Variants in CENPP observed in about 807,000 individuals in gnomAD.
The protein encoded by CENPP is centromere protein P.
Under a neutral mutation model 35.6 loss-of-function variants are expected in CENPP, and 24 were observed. The observed-to-expected ratio is 0.67, with a 90% CI of 0.49 to 0.95. CENPP has a LOEUF of 0.95. Among genes scored for constraint, CENPP ranks in the 40% least tolerant of loss-of-function variants. The pLI, the probability that CENPP is intolerant of heterozygous loss-of-function variation, is 0.00. For missense variants in CENPP, 332 were observed against 345.3 expected (o/e 0.96, Z 0.31); for synonymous variants, 120 against 125.5 (o/e 0.96, Z 0.29).
rs1483825246 is a variant in CENPP at position 92,612,613 on chromosome 9, A to G, written c.735A>G (p.Arg245=). The G allele has an allele frequency of 3.7e-6, 6 of 1,613,504 alleles. No homozygotes were observed. The highest frequency in any genetic ancestry group is 5.1e-6 in the Non-Finnish European group (6 of 1,179,386). ...ATCTTCTCACCAAAGTCCCACAGCG[A>G]GGTAGGGCCCTGGGTGTGGCTGCTC... is the stretch of plus-strand genomic sequence containing the variant. ...KLDLLTKVPQ[R]ALELDKNRAI... is the part of the protein sequence containing the mutation. The change falls in exon 7 of 8, where the codon CGA becomes CGG. Residue 245 remains arginine, a splice_region_variant and synonymous_variant. Transcript: ENST00000375587.
chr9:92,393,126 G>A, intron 5 of CENPP: 1 of 1,613,452 alleles, frequency 6.2e-7, no homozygotes, highest in Non-Finnish European at 8.5e-7. Flanking sequence ...TTTTAATTTT[G>A]TTGAATCGTG....
chr9:92,337,430 A>G (rs1840966116), intron 2 of CENPP, 111 bp from the exon 3 acceptor site: 1 of 598,318 alleles, frequency 1.7e-6, no homozygotes, highest in South Asian at 2.6e-5. Context: ...GCTAATGCAC[A>G]CTTTCACACA....
chr9:92,612,825 G>A (rs891722436), intron 7 of CENPP, among the ~76,000 whole-genome samples, 194 bp from the exon 8 acceptor site: 3 of 152,192 alleles, frequency 2.0e-5, no homozygotes, highest in Non-Finnish European at 2.9e-5. Context: ...CAGGCTGAAT[G>A]CACAGGGAAT....
chr9:92,497,008 A>T (rs1846385431), intron 5 of CENPP, among the ~76,000 whole-genome samples: 2 of 151,900 alleles, frequency 1.3e-5, no homozygotes, highest in Non-Finnish European at 2.9e-5. Flanking sequence ...ATCAAATACC[A>T]CTGAAGAGAA....
chr9:92,473,322 T>C (rs1435070033), intron 5 of CENPP, among the ~76,000 whole-genome samples: 1 of 152,178 alleles, frequency 6.6e-6, no homozygotes, highest in Non-Finnish European at 1.5e-5. Flanking sequence ...TGTGTCCTTA[T>C]TCACCATCTT....
chr9:92,489,040 G>A (rs905969621), intron 5 of CENPP, among the ~76,000 whole-genome samples: 1 of 152,140 alleles, frequency 6.6e-6, no homozygotes. Flanking sequence ...TGATTTAGTT[G>A]TATCACCACT....
chr9:92,497,317 C>G (rs986617745), intron 5 of CENPP, among the ~76,000 whole-genome samples: 1 of 152,050 alleles, frequency 6.6e-6, no homozygotes, highest in Non-Finnish European at 1.5e-5. Flanking sequence ...GAGTGATATA[C>G]TGATACTTTT....
intron 5 of CENPP, among the ~76,000 whole-genome samples, chr9:92,573,652 C>A (rs1564007892): frequency 6.6e-6 from 1 of 152,204 alleles, no homozygotes; most frequent in African/African-American, 2.4e-5. Context: ...TTTAAGTCTG[C>A]AGAAGCTTCT....
chr9:92,619,971 G>A lies in CENPP; in HGVS notation c.*6822G>A, dbSNP rs528698831. On this transcript the variant is annotated 3_prime_UTR_variant, in exon 8 of 8. Transcript: ENST00000375587. ...ATCACTCGACACCTGCAAGGAGAGC[G>A]CAGGGGGTGTTCAGCAAGGCATCGC... 2.3e-5 allele frequency: 5 copies of A among 215,806 alleles called. No homozygotes were observed. Among genetic ancestry groups the A allele is most frequent in the South Asian group, 1.7e-4 (2 of 11,924 alleles). The allele number at this position is 215,806 out of a possible 1,614,324, so 13.4% of individuals were successfully genotyped here.
intron 5 of CENPP, among the ~76,000 whole-genome samples, chr9:92,383,389 T>C (rs182725787): frequency 5.9e-5 from 9 of 152,342 alleles, no homozygotes; most frequent in Admixed American, 1.3e-4. Context: ...TATTGGATAG[T>C]ATTGTTGTCT....
At chr9:92,510,593 G>A (rs1306715392) in intron 5 of CENPP, among the ~76,000 whole-genome samples, 1 of 152,218 alleles carries the variant, frequency 6.6e-6, no homozygotes, top group Non-Finnish European at 1.5e-5. Context: ...CTGGAAAAGT[G>A]TCTTTTTCAC....
intron 5 of CENPP, among the ~76,000 whole-genome samples, chr9:92,381,465 G>T (rs765842342): frequency 6.6e-6 from 1 of 151,914 alleles, no homozygotes. Context: ...TGTATTTTTC[G>T]TAGAGATGCA....
chr9:92,458,892 C>T (rs1424994126), intron 5 of CENPP, among the ~76,000 whole-genome samples: 1 of 152,032 alleles, frequency 6.6e-6, no homozygotes, highest in Non-Finnish European at 1.5e-5. Flanking sequence ...GTACAGTGAA[C>T]GAAACTTGTT....
chr9:92,539,880 TC>T (rs1563995095), intron 5 of CENPP, among the ~76,000 whole-genome samples: 1 of 152,102 alleles, frequency 6.6e-6, no homozygotes, highest in Non-Finnish European at 1.5e-5. Flanking sequence ...GTTTCCCCTT[TC>T]CCCCCTCAAA....
At chr9:92,363,403 G>A (rs1045759587) in intron 4 of CENPP, among the ~76,000 whole-genome samples, 2 of 152,106 alleles carry the variant, frequency 1.3e-5, no homozygotes, top group African/African-American at 2.4e-5. Context: ...CCTTTCCTAT[G>A]TTTAGATATG....
intron 5 of CENPP, among the ~76,000 whole-genome samples, chr9:92,492,547 C>T (rs73520582): frequency 0.011 from 1,628 of 152,268 alleles, 33 homozygotes; most frequent in African/African-American, 0.037. Flanking sequence ...AGGAGATGTA[C>T]GTGGAGCCAT....
intron 5 of CENPP, among the ~76,000 whole-genome samples, chr9:92,522,361 C>G (rs1848125748): frequency 6.6e-6 from 1 of 152,192 alleles, no homozygotes; most frequent in South Asian, 2.1e-4. Flanking sequence ...GCTGGGATTA[C>G]AGGTGTGAGC....
intron 5 of CENPP, among the ~76,000 whole-genome samples, chr9:92,438,850 G>T (rs776440868): frequency 6.6e-6 from 1 of 152,244 alleles, no homozygotes; most frequent in African/African-American, 2.4e-5. Context: ...CTGCTTGGGA[G>T]GCTGAGGCAG....
intron 5 of CENPP, among the ~76,000 whole-genome samples, chr9:92,460,056 C>CTTTTTTT (rs869237016): frequency 9.1e-6 from 1 of 109,576 alleles, no homozygotes; most frequent in Non-Finnish European, 1.9e-5. Context: ...AACGGTGGTT[C>CTTTTTTT]TTTTTTTTTT....
Sources: gnomAD v4.1 joint callset for allele counts (sites outside exome capture counted in the v4.1 genomes callset) on GRCh38, gnomAD v4.1.1 for gene constraint, MANE v1.5 for transcripts, NCBI Gene and HGNC (gene_info 2026-07-23, HGNC 2026-07-21) for gene names.